PLXNA4: variants seen among roughly 807,000 people sequenced by gnomAD.
PLXNA4 encodes the protein plexin-A4.
PLXNA4 carries 44 observed loss-of-function variants against 191.8 expected under a neutral mutation model. The observed-to-expected ratio is 0.23, with a 90% CI of 0.18 to 0.29. PLXNA4 has a LOEUF of 0.29. Among genes scored for constraint, PLXNA4 ranks in the 10% least tolerant of loss-of-function variants. The pLI, the probability that PLXNA4 is intolerant of heterozygous loss-of-function variation, is 1.00. For synonymous variants in PLXNA4, 1,082 were observed against 1,009.5 expected (o/e 1.07, Z -1.36); for missense variants, 1,800 against 2,488.8 (o/e 0.72, Z 5.89).
At chr7:132,487,673 A>G (rs1208539535) in intron 3 of PLXNA4, among the ~76,000 whole-genome samples, 1 of 152,168 alleles carries the variant, frequency 6.6e-6, no homozygotes, top group East Asian at 1.9e-4. Flanking sequence ...GCTGAAGTCA[A>G]CCAGGATTCC....
At chr7:132,429,669 C>T (rs1795187717) in intron 3 of PLXNA4, among the ~76,000 whole-genome samples, 1 of 152,148 alleles carries the variant, frequency 6.6e-6, no homozygotes, top group Non-Finnish European at 1.5e-5. Flanking sequence ...AAACAAGATC[C>T]AGTCCATGGG....
chr7:132,288,059 C>T (rs7796660), intron 4 of PLXNA4, among the ~76,000 whole-genome samples: 236 of 152,188 alleles, frequency 1.6e-3, no homozygotes, highest in African/African-American at 5.5e-3. Context: ...CAGAGGGCTC[C>T]CCATTCCTCG....
At position 132,128,596 on chromosome 7, in the gene PLXNA4, C is replaced by T. The variant is rs577036526; in HGVS notation, c.*1883G>A. On this transcript the variant is annotated 3_prime_UTR_variant, in exon 32 of 32. Coordinates refer to ENST00000321063, the MANE Select transcript of PLXNA4 (RefSeq NM_020911.2). ...ACAAGAAATCCTTTTGAGCTTTCCG[C>T]CTACACCTGGGGCAGACACACACAC... The T allele has an allele frequency of 6.6e-6, 1 of 152,204 alleles. No individual in the cohort carries two copies. Among genetic ancestry groups the T allele is most frequent in the Non-Finnish European group, 1.5e-5 (1 of 68,054 alleles). 9.4% of individuals were successfully genotyped at this position (152,204 alleles called of 1,614,324 possible). A position where few individuals can be genotyped will look rare whatever the true frequency, so the allele number is the denominator to read the frequency against.
chr7:132,530,080 A>G (rs1380818019), intron 1 of PLXNA4, among the ~76,000 whole-genome samples: 1 of 152,070 alleles, frequency 6.6e-6, no homozygotes, highest in East Asian at 1.9e-4. Flanking sequence ...TCTTTTCATC[A>G]TGCTTCTGTG....
At chr7:132,179,990 A>T (rs1434473796) in intron 19 of PLXNA4, 69 bp from the exon 20 acceptor site, 2 of 1,509,918 alleles carry the variant, frequency 1.3e-6, no homozygotes, top group East Asian at 4.8e-5. Flanking sequence ...GTCCCAAGTT[A>T]CCCATGAACT....
chr7:132,292,254 C>T (rs1800921295), intron 4 of PLXNA4, among the ~76,000 whole-genome samples: 1 of 152,174 alleles, frequency 6.6e-6, no homozygotes, highest in African/African-American at 2.4e-5. Context: ...CTGTGTCCCC[C>T]AGTGTGGTAT....
chr7:132,523,285 G>A (rs1017443188), intron 1 of PLXNA4, among the ~76,000 whole-genome samples: 8 of 152,210 alleles, frequency 5.3e-5, no homozygotes, highest in African/African-American at 1.9e-4. Flanking sequence ...TGTTGCAAGC[G>A]TGACCTCAGA....
chr7:132,211,057 G>A lies in PLXNA4; in HGVS notation c.2184C>T (p.Pro728=), dbSNP rs780512220. The A allele has an allele frequency of 6.2e-7, 1 of 1,612,586 alleles. No individual in the cohort carries two copies. The highest frequency in any genetic ancestry group is 8.5e-7 in the Non-Finnish European group (1 of 1,179,396). Residue 728 remains proline, a synonymous_variant, in exon 10 of 32, where the codon CCC becomes CCT. Transcript: ENST00000321063. The part of the protein sequence containing the change: ...KPITLKAKNL[P]QPQSGQRGYE... Reference sequence around the variant, plus strand: ...AGCCACGCTGCCCAGACTGGGGCTGGGGGAGGTTCTTGGCCTTCAGCGTGA... The same window carrying A: ...AGCCACGCTGCCCAGACTGGGGCTGAGGGAGGTTCTTGGCCTTCAGCGTGA...
At chr7:132,597,555 C>T (rs1802733795) in intron 2 of PLXNA4, among the ~76,000 whole-genome samples, 1 of 150,746 alleles carries the variant, frequency 6.6e-6, no homozygotes, top group Admixed American at 6.7e-5. Context: ...CACATTCAAT[C>T]ATGCATCGTC....
At chr7:132,249,554 C>A (rs534302141) in intron 4 of PLXNA4, among the ~76,000 whole-genome samples, 1 of 152,174 alleles carries the variant, frequency 6.6e-6, no homozygotes, top group Non-Finnish European at 1.5e-5. Flanking sequence ...TAAAATGGCA[C>A]GTGATCGTTA....
chr7:132,504,453 G>A (rs1385091341), intron 2 of PLXNA4, among the ~76,000 whole-genome samples: 1 of 152,204 alleles, frequency 6.6e-6, no homozygotes, highest in East Asian at 1.9e-4. Flanking sequence ...GTGGGTCTCA[G>A]GATGTGGAAA....
At chr7:132,250,319 T>C (rs949822033) in intron 4 of PLXNA4, among the ~76,000 whole-genome samples, 2 of 152,174 alleles carry the variant, frequency 1.3e-5, no homozygotes, top group African/African-American at 4.8e-5. Context: ...ACTCAGCTCA[T>C]GCGCAGTAAA....
At chr7:132,172,522 G>T (rs879492607) in intron 21 of PLXNA4, among the ~76,000 whole-genome samples, 4 of 152,084 alleles carry the variant, frequency 2.6e-5, no homozygotes, top group Non-Finnish European at 5.9e-5. Flanking sequence ...ATTAATCAAT[G>T]GCTTGTTTCC....
intron 3 of PLXNA4, among the ~76,000 whole-genome samples, chr7:132,313,223 A>G (rs891362393): frequency 4.6e-5 from 7 of 152,222 alleles, no homozygotes; most frequent in Non-Finnish European, 5.9e-5. Context: ...AAATGCATTT[A>G]AAGTAATATT....
At chr7:132,354,817 T>C (rs1379650194) in intron 3 of PLXNA4, among the ~76,000 whole-genome samples, 2 of 152,238 alleles carry the variant, frequency 1.3e-5, no homozygotes, top group Non-Finnish European at 2.9e-5. Flanking sequence ...GGGAGGCAAC[T>C]TGCTGACAGC....
At chr7:132,614,188 A>G (rs1330656401) in intron 2 of PLXNA4, among the ~76,000 whole-genome samples, 2 of 152,222 alleles carry the variant, frequency 1.3e-5, no homozygotes, top group African/African-American at 4.8e-5. Context: ...CCCAATATTA[A>G]TATTCAATAT....
At chr7:132,538,558 C>T (rs1563159399) in intron 1 of PLXNA4, among the ~76,000 whole-genome samples, 2 of 152,326 alleles carry the variant, frequency 1.3e-5, no homozygotes, top group East Asian at 3.9e-4. Context: ...ATTGTGTAAA[C>T]CTTTGAAATT....
Position 132,202,794 on chromosome 7 carries a change from A to G in PLXNA4, c.2438T>C (p.Leu813Pro). 1.2e-6 allele frequency: 2 copies of G among 1,609,382 alleles called. No homozygotes were observed. The highest frequency in any genetic ancestry group is 1.7e-6 in the Non-Finnish European group (2 of 1,177,752). ...KCGAMRESCG[L>P]CLKADPDFAC... ...GAAGTCTGGGTCAGCCTTGAGGCAC[A>G]GCCCGCAGCTCTCACGCATGGCTCC... The change falls in exon 12 of 32, where the codon CTG becomes CCG. Residue 813 changes from leucine (L) to proline (P), a missense_variant. Leu to Pro is a moderately conservative substitution (Grantham distance 98). Coordinates refer to ENST00000321063, the MANE Select transcript of PLXNA4 (RefSeq NM_020911.2).
chr7:132,135,316 T>C (rs1185716649), intron 30 of PLXNA4, among the ~76,000 whole-genome samples: 1 of 152,184 alleles, frequency 6.6e-6, no homozygotes, highest in Non-Finnish European at 1.5e-5. Flanking sequence ...CTGTCACCTG[T>C]ACACAATCAG....
Sources: gnomAD v4.1 joint callset for allele counts (sites outside exome capture counted in the v4.1 genomes callset) on GRCh38, gnomAD v4.1.1 for gene constraint, MANE v1.5 for transcripts, NCBI Gene and HGNC (gene_info 2026-07-23, HGNC 2026-07-21) for gene names.